ME1: variants seen among roughly 807,000 people sequenced by gnomAD.
The protein encoded by ME1 is NADP-dependent malic enzyme.
ME1 carries 74 observed loss-of-function variants against 66.4 expected under a neutral mutation model. The observed-to-expected ratio is 1.11, with a 90% CI of 0.92 to 1.35. ME1 has a LOEUF of 1.35. ME1 is among the 40% of genes most tolerant of loss of function. The pLI is 0.00. For missense variants in ME1, 750 were observed against 694.1 expected, an observed-to-expected ratio of 1.08 and a Z score of -0.90; for synonymous variants, 251 against 235.6, an observed-to-expected ratio of 1.07 and a Z score of -0.60.
intron 6 of ME1, among the ~76,000 whole-genome samples, chr6:83,275,106 G>A (rs1307264790): frequency 6.6e-6 from 1 of 152,114 alleles, no homozygotes; most frequent in African/African-American, 2.4e-5. Flanking sequence ...GGCCGAGGTG[G>A]GCGGATCACA....
At chr6:83,358,254 A>G (rs1180985384) in intron 3 of ME1, among the ~76,000 whole-genome samples, 1 of 151,650 alleles carries the variant, frequency 6.6e-6, no homozygotes, top group East Asian at 1.9e-4. Context: ...TGCATTTGAC[A>G]CTCCCGATTC....
intron 6 of ME1, among the ~76,000 whole-genome samples, chr6:83,300,882 T>C (rs181565184): frequency 1.3e-5 from 2 of 152,294 alleles, no homozygotes; most frequent in Admixed American, 1.3e-4. Flanking sequence ...AAAGATGAGT[T>C]CACGTCCTTT....
chr6:83,245,679 A>G (rs565540976), intron 7 of ME1, among the ~76,000 whole-genome samples: 5 of 152,326 alleles, frequency 3.3e-5, no homozygotes, highest in Admixed American at 1.3e-4. Context: ...AAGTGCTGGG[A>G]TTACAGGCGT....
intron 3 of ME1, among the ~76,000 whole-genome samples, chr6:83,362,652 T>C (rs1048215385): frequency 6.6e-6 from 1 of 152,224 alleles, no homozygotes; most frequent in African/African-American, 2.4e-5. Context: ...ATCAGCCAGC[T>C]ACCTAGTGGC....
chr6:83,414,417 A>G (rs1237815429), intron 1 of ME1, among the ~76,000 whole-genome samples: 1 of 152,226 alleles, frequency 6.6e-6, no homozygotes, highest in East Asian at 1.9e-4. Flanking sequence ...ATCTGATATA[A>G]AGTAATTTTA....
At chr6:83,254,648 T>G (rs935858138) in intron 6 of ME1, among the ~76,000 whole-genome samples, 7 of 152,152 alleles carry the variant, frequency 4.6e-5, no homozygotes, top group African/African-American at 7.2e-5. Flanking sequence ...TAAAATATTT[T>G]GTACTTTTAT....
intron 7 of ME1, among the ~76,000 whole-genome samples, chr6:83,245,558 A>G (rs1790603713): frequency 6.6e-6 from 1 of 152,108 alleles, no homozygotes; most frequent in Admixed American, 6.5e-5. Context: ...GGCATGCACC[A>G]TCATGCCCGG....
At chr6:83,275,542 T>C (rs1327648769) in intron 6 of ME1, among the ~76,000 whole-genome samples, 1 of 136,498 alleles carries the variant, frequency 7.3e-6, no homozygotes, top group Non-Finnish European at 1.5e-5. Flanking sequence ...CTTGGCTCAC[T>C]GCAAGCTCCG....
At chr6:83,239,741 C>A in intron 7 of ME1, 105 bp from the exon 8 acceptor site, 1 of 755,268 alleles carries the variant, frequency 1.3e-6, no homozygotes, top group Non-Finnish European at 2.2e-6. Context: ...TTAACTGGTA[C>A]AGAAGAGAAA....
chr6:83,288,811 T>A (rs1173257349), intron 6 of ME1, among the ~76,000 whole-genome samples: 1 of 152,218 alleles, frequency 6.6e-6, no homozygotes, highest in African/African-American at 2.4e-5. Context: ...TCCACTTGTT[T>A]GTGTCCTCTA....
At chr6:83,417,048 TTTG>T (rs1770174207) in intron 1 of ME1, among the ~76,000 whole-genome samples, 1 of 152,094 alleles carries the variant, frequency 6.6e-6, no homozygotes, top group African/African-American at 2.4e-5. Context: ...GCAATAAGGT[TTTG>T]TTTTGCTTTG....
chr6:83,324,562 C>T (rs527262533), intron 5 of ME1, among the ~76,000 whole-genome samples: 108 of 151,648 alleles, frequency 7.1e-4, no homozygotes, highest in Non-Finnish European at 1.4e-3. Flanking sequence ...AACACCTCTA[C>T]AAATAAACTA....
At chr6:83,225,808 TTATA>T (rs57577563) in intron 11 of ME1, among the ~76,000 whole-genome samples, 7,332 of 137,956 alleles carry the variant, frequency 0.053, 413 homozygotes, top group African/African-American at 0.13. Context: ...GCCTGTAACA[TTATA>T]TATATATATA....
At chr6:83,346,081 G>T (rs1768678656) in intron 5 of ME1, 92 bp downstream of exon 5, 1 of 1,024,650 alleles carries the variant, frequency 9.8e-7, no homozygotes. Context: ...AAAAAAGAAT[G>T]AATTTTATGA....
At chr6:83,316,976 A>G (rs1333932565) in intron 5 of ME1, among the ~76,000 whole-genome samples, 2 of 152,164 alleles carry the variant, frequency 1.3e-5, no homozygotes, top group Non-Finnish European at 2.9e-5. Context: ...AAAAGACCAA[A>G]GTGACACCTT....
chr6:83,393,486 C>T (rs1252228160), intron 3 of ME1: 5 of 451,350 alleles, frequency 1.1e-5, no homozygotes, highest in Non-Finnish European at 2.0e-5. Flanking sequence ...CCCTGCCACA[C>T]TCAGTCTCCC....
intron 7 of ME1, among the ~76,000 whole-genome samples, chr6:83,248,556 G>A (rs569636322): frequency 2.0e-4 from 31 of 152,194 alleles, no homozygotes; most frequent in African/African-American, 7.0e-4. Context: ...GTTGAGGGAG[G>A]GACCTGTAGT....
At chr6:83,235,708 G>A (rs1003594456) in intron 9 of ME1, among the ~76,000 whole-genome samples, 4 of 151,858 alleles carry the variant, frequency 2.6e-5, no homozygotes, top group East Asian at 3.9e-4. Flanking sequence ...TCCTGACCTC[G>A]TGATCCACCC....
intron 11 of ME1, among the ~76,000 whole-genome samples, chr6:83,225,150 C>T (rs182007902): frequency 7.1e-6 from 1 of 141,252 alleles, no homozygotes; most frequent in Non-Finnish European, 1.5e-5. Context: ...TGCAGTGAGC[C>T]GAGATCGTGC....
Sources: gnomAD v4.1 joint callset for allele counts (sites outside exome capture counted in the v4.1 genomes callset) on GRCh38, gnomAD v4.1.1 for gene constraint, MANE v1.5 for transcripts, NCBI Gene and HGNC (gene_info 2026-07-23, HGNC 2026-07-21) for gene names.